NF1: variants seen among roughly 807,000 people sequenced by gnomAD.
The protein encoded by NF1 is neurofibromin 1.
NF1 carries 122 observed loss-of-function variants against 325.7 expected under a neutral mutation model. The ratio of observed to expected loss-of-function variants is 0.37; its 90% CI spans 0.32 to 0.44. The LOEUF is 0.44. NF1 is among the 20% of genes least tolerant of loss of function. The pLI is 1.00. For missense variants in NF1, 2,140 were observed against 3,415.4 expected (o/e 0.63, Z 9.31); for synonymous variants, 1,091 against 1,186.0 (o/e 0.92, Z 1.65).
chr17:31,283,531 A>T (rs2068165819), intron 36 of NF1, among the ~76,000 whole-genome samples: 1 of 152,010 alleles, frequency 6.6e-6, no homozygotes, highest in African/African-American at 2.4e-5. Context: ...ACAGCTCACT[A>T]CAGCCTCAGC....
chr17:31,296,189 G>T, intron 36 of NF1: 1 of 1,613,718 alleles, frequency 6.2e-7, no homozygotes, highest in Non-Finnish European at 8.5e-7. Context: ...AGATGGTAAT[G>T]TAGACAAGTT....
intron 2 of NF1, among the ~76,000 whole-genome samples, chr17:31,157,898 G>A (rs1039424603): frequency 1.9e-4 from 29 of 151,878 alleles, no homozygotes; most frequent in Admixed American, 1.0e-3. Context: ...CCCGGGAGGC[G>A]GAGCTTGTAG....
intron 36 of NF1, among the ~76,000 whole-genome samples, chr17:31,316,793 C>A (rs2069030512): frequency 6.6e-6 from 1 of 152,112 alleles, no homozygotes; most frequent in Non-Finnish European, 1.5e-5. Context: ...GTTATGATTT[C>A]TCGTTTAGAG....
rs138729858 is a variant in NF1 at position 31,194,389 on chromosome 17, G to C, written c.889-6033G>C. Among the ~76,000 whole-genome samples the C allele has an allele frequency of 3.5e-3, 534 of 152,182 alleles. 1 individual carries two copies. Among genetic ancestry groups the C allele is most frequent in the Non-Finnish European group, 6.0e-3 (410 of 67,964 alleles). On this transcript the variant is annotated intron_variant, in intron 8 of 57. Coordinates refer to ENST00000358273, the MANE Select transcript of NF1 (RefSeq NM_001042492.3). The stretch of plus-strand genomic sequence containing the variant: ...AGAATACTACAGGCTGGGAAGGATA[G>C]GGTGCGGGGAGGGTAGGGAACGATT...
chr17:31,367,333 C>T, intron 57 of NF1: 1 of 1,140,860 alleles, frequency 8.8e-7, no homozygotes, highest in Admixed American at 2.3e-5. Context: ...CCACACTCAT[C>T]CTGGGCACAT....
rs17883128 is a variant in NF1, at chr17:31,249,799, TATTTATTCCAAGG to T, written c.4110+681_4110+693del. Among the ~76,000 whole-genome samples, 591 of 152,350 alleles carry T rather than the reference TATTTATTCCAAGG, an allele frequency of 3.9e-3. 5 individuals carry two copies. The highest frequency in any genetic ancestry group is 0.014 in the African/African-American group (562 of 41,588). ...AATTGCACATTGCAGTTTTAGGAAT[TATTTATTCCAAGG>T]GAGGTCCTGCAAATGCATATTAGCC... is the stretch of plus-strand genomic sequence containing the variant. On this transcript the variant is annotated intron_variant, in intron 30 of 57. Transcript: ENST00000358273.
At chr17:31,103,727 T>TG (rs1567791085) in intron 1 of NF1, among the ~76,000 whole-genome samples, 1 of 151,862 alleles carries the variant, frequency 6.6e-6, no homozygotes, top group Non-Finnish European at 1.5e-5. Context: ...TCAAGCTTTT[T>TG]GGGGGGCTGA....
intron 36 of NF1, among the ~76,000 whole-genome samples, chr17:31,293,977 C>T (rs548767262): frequency 7.2e-5 from 11 of 152,286 alleles, no homozygotes; most frequent in African/African-American, 2.4e-4. Flanking sequence ...CCATGCCTAG[C>T]CTTAGTCCTC....
At chr17:31,211,766 TAACAC>T (rs1209216367) in intron 12 of NF1, among the ~76,000 whole-genome samples, 8 of 152,198 alleles carry the variant, frequency 5.3e-5, no homozygotes, top group African/African-American at 1.9e-4. Context: ...ATAGGACACT[TAACAC>T]AAATGGAGTT....
intron 1 of NF1, among the ~76,000 whole-genome samples, chr17:31,144,753 C>T (rs1916474397): frequency 6.6e-6 from 1 of 152,068 alleles, no homozygotes; most frequent in Non-Finnish European, 1.5e-5. Context: ...ACTGTCAGAC[C>T]AATTAAGGAC....
chr17:31,287,476 G>A (rs2068253188), intron 36 of NF1, among the ~76,000 whole-genome samples: 1 of 151,918 alleles, frequency 6.6e-6, no homozygotes, highest in African/African-American at 2.4e-5. Context: ...CAAGAGCGAA[G>A]CAGTTTTCCT....
chr17:31,175,339 C>G (rs1157077183), intron 5 of NF1, among the ~76,000 whole-genome samples: 15 of 123,302 alleles, frequency 1.2e-4, no homozygotes, highest in African/African-American at 4.0e-4. Context: ...AACACCTGTG[C>G]TTTTGCTTTT....
chr17:31,097,777 A>G (rs1911892506), intron 1 of NF1, among the ~76,000 whole-genome samples: 1 of 151,870 alleles, frequency 6.6e-6, no homozygotes, highest in Non-Finnish European at 1.5e-5. Context: ...GTTCATTGCA[A>G]CCCCTGCTTC....
Position 31,232,069 on chromosome 17 carries a change from T to C in NF1, c.3198-4T>C, listed in dbSNP as rs587782218. 7.4e-4 allele frequency: 967 copies of C among 1,307,288 alleles called. 12 individuals carry two copies. In the African/African-American group the frequency reaches 0.013, roughly 17 times the overall value. The allele number at this position is 1,307,288 out of a possible 1,614,324, so 81.0% of individuals were successfully genotyped here. A position where few individuals can be genotyped will look rare whatever the true frequency, so the allele number is the denominator to read the frequency against. ...TTTTTTTTTTTTTTTTTTTTTTTTT[T>C]CAGAGATTTGGACCAGGCAAGCATG... On this transcript the variant is annotated splice_region_variant and splice_polypyrimidine_tract_variant and intron_variant, in intron 24 of 57. Transcript: ENST00000358273.
intron 1 of NF1, among the ~76,000 whole-genome samples, chr17:31,095,688 G>T (rs1450531381): frequency 6.6e-6 from 1 of 152,156 alleles, no homozygotes. Context: ...ACCTGGGGGC[G>T]CCTTTAGGGG....
At chr17:31,195,186 G>A (rs1048649876) in intron 8 of NF1, among the ~76,000 whole-genome samples, 2 of 152,134 alleles carry the variant, frequency 1.3e-5, no homozygotes, top group Non-Finnish European at 2.9e-5. Flanking sequence ...AGGGAATTCA[G>A]TGGAAAAGTA....
At chr17:31,245,977 C>T (rs556862508) in intron 29 of NF1, among the ~76,000 whole-genome samples, 38 of 152,210 alleles carry the variant, frequency 2.5e-4, no homozygotes, top group African/African-American at 8.9e-4. Context: ...CCAGTCATCT[C>T]ATTATCATAT....
In NF1 at chr17:31,332,290, C is replaced by G. The variant is rs1303350886; in HGVS notation, c.5812+1792C>G. On this transcript the variant is annotated intron_variant, in intron 39 of 57. Coordinates refer to ENST00000358273, the MANE Select transcript of NF1 (RefSeq NM_001042492.3). ...ACCAGCCTGGCCAATATGGTGAAAT[C>G]CCCTCTCTACTAAAAATACAAAAAT... is the stretch of plus-strand genomic sequence containing the variant. Among the ~76,000 whole-genome samples, 7 of 151,968 alleles carry G rather than the reference C, an allele frequency of 4.6e-5. No individual in the cohort carries two copies. In the South Asian group the frequency reaches 1.2e-3, roughly 27 times the overall value.
chr17:31,371,205 GAAAAC>G (rs751023217), intron 57 of NF1, among the ~76,000 whole-genome samples: 4 of 152,020 alleles, frequency 2.6e-5, no homozygotes, highest in Non-Finnish European at 4.4e-5. Context: ...GATTTTACAG[GAAAAC>G]AAAAATGAAT....
Sources: gnomAD v4.1 joint callset for allele counts (sites outside exome capture counted in the v4.1 genomes callset) on GRCh38, gnomAD v4.1.1 for gene constraint, MANE v1.5 for transcripts, NCBI Gene and HGNC (gene_info 2026-07-23, HGNC 2026-07-21) for gene names.